Variants in TNFRSF11A observed in about 807,000 individuals in gnomAD.
TNFRSF11A encodes the protein TNF receptor superfamily member 11a, also known as tumor necrosis factor receptor superfamily member 11A.
TNFRSF11A carries 32 observed loss-of-function variants against 55.7 expected under a neutral mutation model. That is an observed-to-expected ratio of 0.57 (90% CI 0.43 to 0.77). TNFRSF11A has a LOEUF of 0.77. Among genes scored for constraint, TNFRSF11A ranks in the 30% least tolerant of loss-of-function variants. The probability of loss-of-function intolerance (pLI) is 0.00; values close to 1 mark genes in which losing one functional copy is unlikely to be tolerated. For missense variants in TNFRSF11A, 753 were observed against 809.8 expected (o/e 0.93, Z 0.85); for synonymous variants, 311 against 331.0 (o/e 0.94, Z 0.65).
intron 5 of TNFRSF11A, among the ~76,000 whole-genome samples, chr18:62,359,526 C>T (rs1050525085): frequency 9.9e-5 from 15 of 151,992 alleles, no homozygotes; most frequent in Admixed American, 5.2e-4. Context: ...ACCACAGGCA[C>T]GTACACCGCA....
At position 62,388,813 on chromosome 18, in the gene TNFRSF11A, A is replaced by C. The variant is rs553775744; in HGVS notation, c.*3779A>C. ...AAAGTCACAACTTCTAAAATCAAGA[A>C]AACTGGTGAGATACCTTGGGGTAGA... On this transcript the variant is annotated 3_prime_UTR_variant, in exon 10 of 10. Coordinates refer to ENST00000586569, the MANE Select transcript of TNFRSF11A (RefSeq NM_003839.4). 2.0e-5 allele frequency: 3 copies of C among 152,358 alleles called. No individual in the cohort carries two copies. In the East Asian group the frequency reaches 5.8e-4, roughly 29 times the overall value. The allele number at this position is 152,358 out of a possible 1,614,324, so 9.4% of individuals were successfully genotyped here.
chr18:62,340,253 C>T (rs1330960996), intron 1 of TNFRSF11A, among the ~76,000 whole-genome samples: 1 of 151,982 alleles, frequency 6.6e-6, no homozygotes, highest in Admixed American at 6.5e-5. Flanking sequence ...GGGTCTCACT[C>T]TGTCACCCAG....
Position 62,387,825 on chromosome 18 carries a change from A to G in TNFRSF11A, c.*2791A>G, listed in dbSNP as rs893709780. ...AACCACCCAAAGACTTAGTGGCTTA[A>G]AATAGTCACCATTGGCCAGGCACAG... is the stretch of plus-strand genomic sequence containing the variant. On this transcript the variant is annotated 3_prime_UTR_variant, in exon 10 of 10. Coordinates refer to ENST00000586569, the MANE Select transcript of TNFRSF11A (RefSeq NM_003839.4). The G allele has an allele frequency of 6.6e-6, 1 of 152,228 alleles. No homozygotes were observed. Among genetic ancestry groups the G allele is most frequent in the African/African-American group, 2.4e-5 (1 of 41,448 alleles). The allele number at this position is 152,228 out of a possible 1,614,324, so 9.4% of individuals were successfully genotyped here.
intron 1 of TNFRSF11A, among the ~76,000 whole-genome samples, chr18:62,326,366 T>C (rs2046075863): frequency 6.6e-6 from 1 of 152,202 alleles, no homozygotes; most frequent in South Asian, 2.1e-4. Context: ...ACAGAAATAA[T>C]GTGGGTGCAC....
At chr18:62,343,675 A>G (rs1344069203) in intron 1 of TNFRSF11A, among the ~76,000 whole-genome samples, 5 of 152,228 alleles carry the variant, frequency 3.3e-5, no homozygotes, top group African/African-American at 1.2e-4. Context: ...AGCCGTTAAG[A>G]TAAACACCAG....
rs754481352 is a variant in TNFRSF11A, at chr18:62,369,102, C to T, written c.1185C>T (p.Ser395=). The part of the protein sequence containing the change: ...SLSQCFTGTQ[S]TVGSESCNCT... Reference sequence around the variant, plus strand: ...GCCAGTGCTTCACGGGGACACAGAGCACAGTGGGTTCAGAAAGCTGCAACT... The same window carrying T: ...GCCAGTGCTTCACGGGGACACAGAGTACAGTGGGTTCAGAAAGCTGCAACT... Residue 395 remains serine, a synonymous_variant, in exon 9 of 10, where the codon AGC becomes AGT. Transcript: ENST00000586569. 4.3e-6 allele frequency: 7 copies of T among 1,613,960 alleles called. No homozygotes were observed. Among genetic ancestry groups the T allele is most frequent in the Non-Finnish European group, 5.9e-6 (7 of 1,180,050 alleles).
At chr18:62,340,834 C>T (rs1398799983) in intron 1 of TNFRSF11A, among the ~76,000 whole-genome samples, 3 of 152,118 alleles carry the variant, frequency 2.0e-5, no homozygotes, top group African/African-American at 7.2e-5. Context: ...GTGAACACAC[C>T]CATGGGGTGT....
chr18:62,349,972 G>A (rs369991660), intron 3 of TNFRSF11A, 35 bp downstream of exon 3: 7 of 1,612,442 alleles, frequency 4.3e-6, no homozygotes, highest in African/African-American at 2.7e-5. Context: ...AGTGGGAAGT[G>A]TAGAAACCTC....
intron 1 of TNFRSF11A, among the ~76,000 whole-genome samples, chr18:62,326,220 T>A (rs12457042): frequency 0.93 from 142,043 of 152,278 alleles, 66,362 homozygotes; most frequent in African/African-American, 0.98. Context: ...TGGTTTCGGC[T>A]GGGTCAGATT....
At chr18:62,365,596 C>G (rs571411473) in intron 7 of TNFRSF11A, among the ~76,000 whole-genome samples, 1 of 152,162 alleles carries the variant, frequency 6.6e-6, no homozygotes, top group East Asian at 1.9e-4. Context: ...CTTTGTTCTT[C>G]TATGATGTCT....
chr18:62,361,847 G>A (rs1462560427), intron 7 of TNFRSF11A, 54 bp downstream of exon 7: 3 of 1,495,766 alleles, frequency 2.0e-6, no homozygotes, highest in Non-Finnish European at 1.9e-6. Context: ...AGATTTCTAG[G>A]TAAATGCTTT....
intron 9 of TNFRSF11A, among the ~76,000 whole-genome samples, chr18:62,376,623 C>G (rs549343957): frequency 6.6e-6 from 1 of 152,238 alleles, no homozygotes; most frequent in East Asian, 1.9e-4. Context: ...GGGGTCCACT[C>G]TTTGTGTTGT....
chr18:62,345,905 AGCTCCTGAGTTGGAG>A (rs1233579588), intron 1 of TNFRSF11A, among the ~76,000 whole-genome samples: 1 of 152,160 alleles, frequency 6.6e-6, no homozygotes, highest in African/African-American at 2.4e-5. Context: ...AGAGGTGTAA[AGCTCCTGAGTTGGAG>A]GATAGGTGGG....
chr18:62,347,682 G>T (rs2046403677), intron 1 of TNFRSF11A, among the ~76,000 whole-genome samples: 1 of 152,154 alleles, frequency 6.6e-6, no homozygotes, highest in Admixed American at 6.5e-5. Flanking sequence ...GGAGGCCGAG[G>T]CGGGTGGATC....
chr18:62,387,494 CT>C lies in TNFRSF11A; in HGVS notation c.*2462del, dbSNP rs1274972510. The C allele has an allele frequency of 1.3e-5, 2 of 152,184 alleles. No homozygotes were observed. Among genetic ancestry groups the C allele is most frequent in the African/African-American group, 4.8e-5 (2 of 41,432 alleles). 9.4% of individuals were successfully genotyped at this position (152,184 alleles called of 1,614,324 possible). A position where few individuals can be genotyped will look rare whatever the true frequency, so the allele number is the denominator to read the frequency against. On this transcript the variant is annotated 3_prime_UTR_variant, in exon 10 of 10. Transcript: ENST00000586569. Reference sequence around the variant, plus strand: ...ACTTATTGCTAATCTTTATGATATGCTTATTCCTAATCTTTATGGTATGGTG... The same window carrying C: ...ACTTATTGCTAATCTTTATGATATGCTATTCCTAATCTTTATGGTATGGTG...
rs779651746 is a variant in TNFRSF11A at position 62,368,969 on chromosome 18, A to T, written c.1052A>T (p.Asp351Val). 1 of 1,614,250 alleles carries T rather than the reference A, an allele frequency of 6.2e-7. No individual in the cohort carries two copies. Among genetic ancestry groups the T allele is most frequent in the Admixed American group, 1.7e-5 (1 of 60,030 alleles). ...RQMPTEDEYM[D>V]RPSQPTDQLL... Reference sequence around the variant, plus strand: ...ATGCCCACAGAAGATGAATACATGGACAGGCCCTCCCAGCCCACAGACCAG... The same window carrying T: ...ATGCCCACAGAAGATGAATACATGGTCAGGCCCTCCCAGCCCACAGACCAG... The change falls in exon 9 of 10, where the codon GAC becomes GTC. Residue 351 changes from aspartate (D) to valine (V), a missense_variant. Physicochemically the swap from Asp to Val is radical, Grantham distance 152. Around this residue, in one of 3 missense-constraint regions of TNFRSF11A, gnomAD observed 567 missense variants for 596.7 expected, o/e 0.95. Transcript: ENST00000586569.
In TNFRSF11A at chr18:62,384,958, G is replaced by C. The variant is rs891696319; in HGVS notation, c.1775G>C (p.Cys592Ser). 4 of 1,495,024 alleles carry C rather than the reference G, an allele frequency of 2.7e-6. No individual in the cohort carries two copies. The highest frequency in any genetic ancestry group is 3.5e-6 in the Non-Finnish European group (4 of 1,129,534). The allele number at this position is 1,495,024 out of a possible 1,614,324, so 92.6% of individuals were successfully genotyped here. A position where few individuals can be genotyped will look rare whatever the true frequency, so the allele number is the denominator to read the frequency against. The part of the protein sequence containing the change: ...AGNGPRFPDP[C>S]GGPEGLREPE... Reference sequence around the variant, plus strand: ...AACGGCCCGCGCTTCCCGGACCCGTGCGGCGGCCCCGAGGGGCTGCGGGAG... The same window carrying C: ...AACGGCCCGCGCTTCCCGGACCCGTCCGGCGGCCCCGAGGGGCTGCGGGAG... Residue 592 changes from cysteine to serine, a missense_variant, in exon 10 of 10, where the codon TGC becomes TCC. Cys to Ser is a moderately radical substitution (Grantham distance 112). Around this residue, in one of 3 missense-constraint regions of TNFRSF11A, gnomAD observed 567 missense variants for 596.7 expected, o/e 0.95. Coordinates refer to ENST00000586569, the MANE Select transcript of TNFRSF11A (RefSeq NM_003839.4).
In TNFRSF11A at chr18:62,361,713, T is replaced by C. The variant is rs1169841722; in HGVS notation, c.650T>C (p.Leu217Pro). The change falls in exon 7 of 10, where the codon CTG (leucine) becomes CCG (proline). Residue 217 changes from leucine to proline, a missense_variant. Leu to Pro is a moderately conservative substitution (Grantham distance 98). Transcript: ENST00000586569. ...GTTTACTTGCCCGGTTTAATAATTCTGCTTCTCTTCGCGTCTGTGGCCCTG... is the reference window on the plus strand; with the variant it reads ...GTTTACTTGCCCGGTTTAATAATTCCGCTTCTCTTCGCGTCTGTGGCCCTG... The part of the protein sequence containing the change: ...PHVYLPGLII[L>P]LLFASVALVA... 1 of 1,614,128 alleles carries C rather than the reference T, an allele frequency of 6.2e-7. No individual in the cohort carries two copies.
intron 9 of TNFRSF11A, among the ~76,000 whole-genome samples, chr18:62,375,892 G>A (rs1226624015): frequency 2.0e-5 from 3 of 152,098 alleles, no homozygotes; most frequent in South Asian, 2.1e-4. Flanking sequence ...CCAGCCACTC[G>A]GGAGGCTGAG....
Sources: allele counts gnomAD v4.1 joint callset (sites outside exome capture counted in the v4.1 genomes callset), GRCh38; gene constraint gnomAD v4.1.1; regional missense constraint gnomAD v4.1.1; transcripts MANE v1.5; gene names NCBI Gene and HGNC (gene_info 2026-07-23, HGNC 2026-07-21).